Variants in ACSS3 observed in about 807,000 individuals in gnomAD.
ACSS3 encodes the protein acyl-CoA synthetase short-chain family member 3, mitochondrial.
ACSS3 carries 64 observed loss-of-function variants against 84.2 expected under a neutral mutation model. That is an observed-to-expected ratio of 0.76 (90% CI 0.62 to 0.94). ACSS3 has a LOEUF of 0.94. Ranked by LOEUF, ACSS3 falls within the 40% of genes least tolerant of loss-of-function variation. The pLI is 0.00. For missense variants in ACSS3, 815 were observed against 867.6 expected, an observed-to-expected ratio of 0.94 and a Z score of 0.76; for synonymous variants, 317 against 310.1, an observed-to-expected ratio of 1.02 and a Z score of -0.23.
chr12:81,238,865 C>T (rs1389670088), intron 13 of ACSS3, among the ~76,000 whole-genome samples: 7 of 151,378 alleles, frequency 4.6e-5, no homozygotes, highest in African/African-American at 1.4e-4. Flanking sequence ...TATTTCTCCT[C>T]TAATTTTTAT....
chr12:81,187,904 A>G (rs936645674), intron 8 of ACSS3, among the ~76,000 whole-genome samples: 12 of 151,924 alleles, frequency 7.9e-5, no homozygotes, highest in African/African-American at 2.9e-4. Context: ...GCCTGAGGCT[A>G]CATAAATATG....
intron 1 of ACSS3, among the ~76,000 whole-genome samples, chr12:81,083,358 C>CT (rs111641450): frequency 0.016 from 2,285 of 140,270 alleles, 73 homozygotes; most frequent in African/African-American, 0.055. Context: ...AGCTTTTGGT[C>CT]TTTTTTTTTT....
chr12:81,227,500 AC>A (rs2033310651), intron 11 of ACSS3, among the ~76,000 whole-genome samples: 1 of 151,764 alleles, frequency 6.6e-6, no homozygotes, highest in African/African-American at 2.4e-5. Context: ...TTATTGCTAT[AC>A]CTTACATATT....
intron 2 of ACSS3, among the ~76,000 whole-genome samples, chr12:81,130,119 A>G (rs1451123697): frequency 6.6e-6 from 1 of 152,232 alleles, no homozygotes; most frequent in African/African-American, 2.4e-5. Flanking sequence ...AGCATGATTT[A>G]TAATCCTTTG....
At chr12:81,134,027 A>G (rs1885660227) in intron 2 of ACSS3, among the ~76,000 whole-genome samples, 1 of 152,040 alleles carries the variant, frequency 6.6e-6, no homozygotes, top group Non-Finnish European at 1.5e-5. Flanking sequence ...AAGTACAAAA[A>G]CATGTTACGG....
chr12:81,209,120 C>T (rs879683379), intron 9 of ACSS3, among the ~76,000 whole-genome samples: 3 of 151,510 alleles, frequency 2.0e-5, no homozygotes, highest in Admixed American at 1.3e-4. Flanking sequence ...TTTTTAGGCC[C>T]CTGATCTTTA....
intron 9 of ACSS3, among the ~76,000 whole-genome samples, chr12:81,201,184 A>C (rs6539564): frequency 1.3e-5 from 2 of 151,994 alleles, no homozygotes; most frequent in Admixed American, 6.6e-5. Context: ...TCTGCAAGAA[A>C]AATGTTTACA....
At chr12:81,122,977 G>C (rs981109018) in intron 2 of ACSS3, among the ~76,000 whole-genome samples, 1 of 151,948 alleles carries the variant, frequency 6.6e-6, no homozygotes, top group African/African-American at 2.4e-5. Flanking sequence ...TCTATCAATG[G>C]TACTTTTCTG....
intron 13 of ACSS3, among the ~76,000 whole-genome samples, chr12:81,239,396 A>C (rs1229582350): frequency 6.6e-6 from 1 of 152,026 alleles, no homozygotes; most frequent in Non-Finnish European, 1.5e-5. Flanking sequence ...AAAATAAAGG[A>C]AGAACATCAG....
At chr12:81,216,182 C>CT (rs1311600515) in intron 9 of ACSS3, among the ~76,000 whole-genome samples, 1 of 149,336 alleles carries the variant, frequency 6.7e-6, no homozygotes, top group Non-Finnish European at 1.5e-5. Flanking sequence ...TGTGTGTAAT[C>CT]TTTTTTTATT....
chr12:81,099,718 CT>C (rs138872801), intron 1 of ACSS3, among the ~76,000 whole-genome samples: 8,057 of 151,298 alleles, frequency 0.053, 344 homozygotes, highest in African/African-American at 0.11. Flanking sequence ...TGAAAGAAGA[CT>C]TTTTTTTTCA....
chr12:81,125,527 C>T (rs1422609371), intron 2 of ACSS3: 1 of 152,188 alleles, frequency 6.6e-6, no homozygotes, highest in African/African-American at 2.4e-5. Context: ...TCCTTTCTTT[C>T]CTGTGTTCAT....
At chr12:81,197,145 T>C (rs563354921) in intron 8 of ACSS3, among the ~76,000 whole-genome samples, 86 of 152,316 alleles carry the variant, frequency 5.6e-4, no homozygotes, top group Non-Finnish European at 9.7e-4. Context: ...GACATCCTTA[T>C]AGATTTAAAG....
At chr12:81,219,592 A>G (rs1565727890) in intron 10 of ACSS3, among the ~76,000 whole-genome samples, 1 of 152,142 alleles carries the variant, frequency 6.6e-6, no homozygotes, top group Non-Finnish European at 1.5e-5. Context: ...GCTTTAAATC[A>G]GAATAAGGGG....
intron 7 of ACSS3, 64 bp from the exon 8 acceptor site, chr12:81,174,724 A>G (rs1281940284): frequency 6.6e-7 from 1 of 1,517,536 alleles, no homozygotes; most frequent in African/African-American, 1.4e-5. Context: ...ATGTATAACT[A>G]TTGAACTGTC....
At chr12:81,139,339 A>G in intron 4 of ACSS3, 74 bp downstream of exon 4, 1 of 1,522,696 alleles carries the variant, frequency 6.6e-7, no homozygotes, top group Non-Finnish European at 9.0e-7. Flanking sequence ...ACCATTTAAA[A>G]GAGACATTTG....
chr12:81,114,824 G>A (rs1158792433), intron 2 of ACSS3, among the ~76,000 whole-genome samples: 1 of 152,018 alleles, frequency 6.6e-6, no homozygotes, highest in African/African-American at 2.4e-5. Context: ...AATAAATTTT[G>A]TTAGATTTTC....
chr12:81,165,956 A>G (rs1887383702), intron 7 of ACSS3, among the ~76,000 whole-genome samples: 1 of 152,180 alleles, frequency 6.6e-6, no homozygotes, highest in Non-Finnish European at 1.5e-5. Flanking sequence ...CATTGTTTTA[A>G]TTATAAGTAC....
chr12:81,191,799 T>TC lies in ACSS3; in HGVS notation c.1251-7541dup, dbSNP rs561979698. Among the ~76,000 whole-genome samples the TC allele has an allele frequency of 8.2e-3, 1,253 of 152,326 alleles. 8 individuals carry two copies. Among genetic ancestry groups the TC allele is most frequent in the Non-Finnish European group, 0.012 (836 of 68,024 alleles). On this transcript the variant is annotated intron_variant, in intron 8 of 15. Coordinates refer to ENST00000548058, the MANE Select transcript of ACSS3 (RefSeq NM_024560.4). ...GTTTGATGATTTTTCTGCTTTTTTT[T>TC]CACAGTTGCAGTTAGATGATTTTAT...
Sources: allele counts gnomAD v4.1 joint callset (sites outside exome capture counted in the v4.1 genomes callset), GRCh38; gene constraint gnomAD v4.1.1; transcripts MANE v1.5; gene names NCBI Gene and HGNC (gene_info 2026-07-23, HGNC 2026-07-21).